SCNN1B: variants seen among roughly 807,000 people sequenced by gnomAD.
SCNN1B encodes epithelial sodium channel subunit beta.
SCNN1B carries 46 observed loss-of-function variants against 65.3 expected under a neutral mutation model. The ratio of observed to expected loss-of-function variants is 0.70; its 90% CI spans 0.56 to 0.90. SCNN1B has a LOEUF of 0.90. Ranked by LOEUF, SCNN1B falls within the 40% of genes least tolerant of loss-of-function variation. SCNN1B has a pLI of 0.00. For synonymous variants in SCNN1B, 349 were observed against 330.6 expected (o/e 1.06, Z -0.60); for missense variants, 751 against 830.5 (o/e 0.90, Z 1.18).
At chr16:23,379,875 G>A (rs1318507373) in intron 11 of SCNN1B, among the ~76,000 whole-genome samples, 1 of 152,220 alleles carries the variant, frequency 6.6e-6, no homozygotes, top group Non-Finnish European at 1.5e-5. Flanking sequence ...CACTCACGGG[G>A]GCACGCATGA....
intron 7 of SCNN1B, among the ~76,000 whole-genome samples, chr16:23,372,452 G>A (rs1452922408): frequency 6.6e-6 from 1 of 150,896 alleles, no homozygotes; most frequent in Non-Finnish European, 1.5e-5. Context: ...AATTGGGATT[G>A]ACAGACCCCA....
intron 4 of SCNN1B, among the ~76,000 whole-genome samples, chr16:23,365,551 AG>A (rs1962637824): frequency 1.2e-5 from 1 of 83,818 alleles, no homozygotes; most frequent in East Asian, 4.0e-4. Flanking sequence ...AAGAGAAAGA[AG>A]GAAAGAGAAA....
At chr16:23,290,213 G>C (rs965489184) in intron 2 of SCNN1B, among the ~76,000 whole-genome samples, 5 of 152,182 alleles carry the variant, frequency 3.3e-5, no homozygotes, top group Non-Finnish European at 5.9e-5. Context: ...GGCTGGCACA[G>C]TTAAGTGCTA....
At chr16:23,330,837 A>C (rs1423613029) in intron 1 of SCNN1B, among the ~76,000 whole-genome samples, 4 of 152,142 alleles carry the variant, frequency 2.6e-5, no homozygotes, top group Admixed American at 2.6e-4. Flanking sequence ...CCCAAGTGGC[A>C]GGCATGAGCC....
intron 1 of SCNN1B, among the ~76,000 whole-genome samples, chr16:23,313,473 T>C (rs941146175): frequency 1.2e-4 from 18 of 152,230 alleles, no homozygotes; most frequent in African/African-American, 4.3e-4. Flanking sequence ...GTTGTTTTGT[T>C]TGCCTTACGT....
At chr16:23,321,081 G>T (rs1961577081) in intron 1 of SCNN1B, among the ~76,000 whole-genome samples, 1 of 152,162 alleles carries the variant, frequency 6.6e-6, no homozygotes, top group African/African-American at 2.4e-5. Context: ...GTCTCGCTCT[G>T]TCGCCCAGAC....
intron 4 of SCNN1B, chr16:23,358,666 G>A (rs1241471304): frequency 6.6e-6 from 1 of 152,164 alleles, no homozygotes; most frequent in Admixed American, 6.5e-5. Flanking sequence ...CAGCACTTTG[G>A]GAGGCCGAAG....
At chr16:23,323,613 G>T (rs1019840520) in intron 1 of SCNN1B, 4 of 702,872 alleles carry the variant, frequency 5.7e-6, no homozygotes, top group Admixed American at 2.0e-5. Context: ...CAGTGAGTAA[G>T]TGACCCAACT....
At chr16:23,292,685 G>C (rs1960942970) in intron 2 of SCNN1B, among the ~76,000 whole-genome samples, 1 of 150,744 alleles carries the variant, frequency 6.6e-6, no homozygotes, top group Admixed American at 6.6e-5. Context: ...TTGATTTTTT[G>C]TTGAGATGCA....
intron 1 of SCNN1B, among the ~76,000 whole-genome samples, chr16:23,281,017 C>T (rs781253320): frequency 6.6e-6 from 1 of 152,178 alleles, no homozygotes; most frequent in African/African-American, 2.4e-5. Flanking sequence ...AATGCATGGA[C>T]CCTGGAGGTG....
At chr16:23,292,355 A>G (rs886115326) in intron 2 of SCNN1B, among the ~76,000 whole-genome samples, 3 of 150,062 alleles carry the variant, frequency 2.0e-5, no homozygotes, top group African/African-American at 7.4e-5. Context: ...CACCACACCC[A>G]GCTAATTTTG....
intron 1 of SCNN1B, among the ~76,000 whole-genome samples, chr16:23,318,040 T>C (rs1320480079): frequency 6.6e-6 from 1 of 152,206 alleles, no homozygotes; most frequent in African/African-American, 2.4e-5. Flanking sequence ...TGAGTGTAAA[T>C]GCCAATCAAG....
In SCNN1B at chr16:23,352,859, G is replaced by C. The variant is rs1309487965; in HGVS notation, c.370G>C (p.Glu124Gln). ...DLDELMEAVL[E>Q]RILAPELSHA... ...GGATGAGCTGATGGAAGCTGTCCTG[G>C]AGAGAATCCTGGCTCCTGAGCTAAG... The change falls in exon 3 of 13, where the codon GAG becomes CAG. Residue 124 changes from glutamate to glutamine, a missense_variant. Coordinates refer to ENST00000343070, the MANE Select transcript of SCNN1B (RefSeq NM_000336.3). 1.9e-6 allele frequency: 3 copies of C among 1,614,116 alleles called. No individual in the cohort carries two copies. The South Asian group carries it at 3.3e-5, about 18-fold the overall frequency.
At chr16:23,283,664 A>G (rs1400717979) in intron 1 of SCNN1B, 1 of 152,014 alleles carries the variant, frequency 6.6e-6, no homozygotes, top group Non-Finnish European at 1.5e-5. Flanking sequence ...GTCCCTGAAA[A>G]ACAAAACCAT....
At chr16:23,289,825 G>A (rs756607274) in intron 2 of SCNN1B, among the ~76,000 whole-genome samples, 8 of 151,706 alleles carry the variant, frequency 5.3e-5, no homozygotes, top group African/African-American at 1.2e-4. Flanking sequence ...ACAGGCATGC[G>A]CCACCACGCC....
intron 4 of SCNN1B, among the ~76,000 whole-genome samples, chr16:23,365,543 G>GAA (rs1962636277): frequency 9.3e-6 from 1 of 108,070 alleles, no homozygotes; most frequent in Non-Finnish European, 1.7e-5. Flanking sequence ...GAGAAGGAAA[G>GAA]AGAAAGAAGG....
At chr16:23,297,726 T>C (rs28480671), upstream of SCNN1B, among the ~76,000 whole-genome samples, 19,105 of 152,200 alleles carry the variant, frequency 0.13, 2,954 homozygotes, top group African/African-American at 0.37. Flanking sequence ...ATTACTATCC[T>C]AAGAGGAATA....
chr16:23,362,599 C>CA (rs1962575118), intron 4 of SCNN1B, among the ~76,000 whole-genome samples: 1 of 152,162 alleles, frequency 6.6e-6, no homozygotes, highest in Non-Finnish European at 1.5e-5. Context: ...TGTAGGGAAA[C>CA]ACCTGGCTCT....
Position 23,292,006 on chromosome 16 carries a change from C to T in SCNN1B, n.178+8202C>T, listed in dbSNP as rs370124395. Among the ~76,000 whole-genome samples the T allele has an allele frequency of 3.1e-4, 47 of 151,758 alleles. 2 individuals are homozygous for T. The East Asian group carries it at 8.9e-3, about 29-fold the overall frequency. On this transcript the variant is annotated intron_variant and non_coding_transcript_variant, in intron 2 of 3. Transcript: ENST00000569789. ...GTTGTTCTGCAACTTGTTTTTTTCT[C>T]TCACGCCCCACATCCAATTCTTCAG...
Sources: gnomAD v4.1 joint callset for allele counts (sites outside exome capture counted in the v4.1 genomes callset) on GRCh38, gnomAD v4.1.1 for gene constraint, MANE v1.5 for transcripts, NCBI Gene and HGNC (gene_info 2026-07-23, HGNC 2026-07-21) for gene names.